The following BBS9 variants were observed in gnomAD, a reference collection of about 807,000 sequenced individuals.
The protein encoded by BBS9 is Bardet-Biedl syndrome 9.
BBS9 carries 89 observed loss-of-function variants against 117.7 expected under a neutral mutation model. The observed-to-expected ratio is 0.76, with a 90% CI of 0.64 to 0.90. The LOEUF is 0.90. Among genes scored for constraint, BBS9 ranks in the 40% least tolerant of loss-of-function variants. The pLI is 0.00. For missense variants in BBS9, 982 were observed against 1,042.2 expected, an observed-to-expected ratio of 0.94 and a Z score of 0.80; for synonymous variants, 379 against 370.9, an observed-to-expected ratio of 1.02 and a Z score of -0.25.
chr7:33,343,327 TAA>T (rs1305969687), intron 11 of BBS9, among the ~76,000 whole-genome samples: 3 of 152,156 alleles, frequency 2.0e-5, no homozygotes, highest in Non-Finnish European at 4.4e-5. Context: ...CTCTAAAAAA[TAA>T]GTTATAAGTG....
At chr7:33,335,009 T>C (rs1299293818) in intron 9 of BBS9, among the ~76,000 whole-genome samples, 14 of 152,192 alleles carry the variant, frequency 9.2e-5, no homozygotes, top group Non-Finnish European at 1.8e-4. Flanking sequence ...GACCATCTTA[T>C]GGGCAGAACT....
At chr7:33,248,120 C>A (rs1377126046) in intron 5 of BBS9, among the ~76,000 whole-genome samples, 5 of 152,090 alleles carry the variant, frequency 3.3e-5, no homozygotes, top group Non-Finnish European at 7.4e-5. Context: ...ATTTTATTTT[C>A]TTGTATCTTA....
chr7:33,232,785 T>C (rs1486489085), intron 5 of BBS9, among the ~76,000 whole-genome samples: 1 of 152,184 alleles, frequency 6.6e-6, no homozygotes, highest in Admixed American at 6.5e-5. Context: ...TATGTGTGTG[T>C]ATATATCTAT....
In BBS9 at chr7:33,169,108, A is replaced by G. The variant is rs552588117; in HGVS notation, c.329-8370A>G. ...AGTTTACTGAGAATGATGCTTTCCAATTTCATCCATGTCCCTACAAAGGAC... is the reference window on the plus strand; with the variant it reads ...AGTTTACTGAGAATGATGCTTTCCAGTTTCATCCATGTCCCTACAAAGGAC... On this transcript the variant is annotated intron_variant, in intron 4 of 22. Coordinates refer to ENST00000242067, the MANE Select transcript of BBS9 (RefSeq NM_198428.3). 2.9e-3 allele frequency among the ~76,000 whole-genome samples: 437 copies of G among 151,670 alleles called. 3 individuals carry two copies. Among genetic ancestry groups the G allele is most frequent in the African/African-American group, 9.9e-3 (410 of 41,284 alleles).
rs539984248 is a variant in BBS9, at chr7:33,281,761, A to G, written c.1016+7805A>G. Among the ~76,000 whole-genome samples, 71 of 152,000 alleles carry G rather than the reference A, an allele frequency of 4.7e-4. 1 individual carries two copies. The highest frequency in any genetic ancestry group is 1.5e-3 in the South Asian group (7 of 4,822). On this transcript the variant is annotated intron_variant, in intron 9 of 22. Transcript: ENST00000242067. ...TATTCCATGGTAAAAATGTATTGTT[A>G]TATTTCACCTTCAGACTTTATTGAT...
At chr7:33,596,319 T>G (rs1862781985) in intron 21 of BBS9, among the ~76,000 whole-genome samples, 1 of 150,500 alleles carries the variant, frequency 6.6e-6, no homozygotes, top group African/African-American at 2.4e-5. Context: ...TGTGTGTGAC[T>G]ATTGATACAT....
chr7:33,222,845 C>T (rs145337002), intron 5 of BBS9, among the ~76,000 whole-genome samples: 2,081 of 151,218 alleles, frequency 0.014, 41 homozygotes, highest in African/African-American at 0.048. Flanking sequence ...CCCAGCTACT[C>T]GGGAGGCTGA....
intron 21 of BBS9, among the ~76,000 whole-genome samples, chr7:33,575,581 C>A (rs940991963): frequency 1.3e-5 from 2 of 152,008 alleles, no homozygotes; most frequent in African/African-American, 4.8e-5. Context: ...ATCCTGATAC[C>A]AAAGCCTGGC....
At chr7:33,519,285 T>C (rs978877330) in intron 20 of BBS9, among the ~76,000 whole-genome samples, 4 of 152,130 alleles carry the variant, frequency 2.6e-5, no homozygotes, top group Non-Finnish European at 5.9e-5. Context: ...GCAATAAAGT[T>C]TTCCCCAGAC....
chr7:33,433,999 G>A (rs572690558), intron 19 of BBS9, among the ~76,000 whole-genome samples: 34 of 151,818 alleles, frequency 2.2e-4, no homozygotes, highest in Admixed American at 1.3e-3. Flanking sequence ...ATATTTTGCC[G>A]TATAACATTT....
chr7:33,307,039 TC>T (rs1402246808), intron 9 of BBS9, among the ~76,000 whole-genome samples: 2 of 152,146 alleles, frequency 1.3e-5, no homozygotes, highest in Non-Finnish European at 2.9e-5. Flanking sequence ...GTCTTAAACC[TC>T]AAAATTTTAA....
intron 21 of BBS9, among the ~76,000 whole-genome samples, chr7:33,597,708 G>A (rs1863083149): frequency 6.6e-6 from 1 of 151,950 alleles, no homozygotes; most frequent in African/African-American, 2.4e-5. Flanking sequence ...AGAAAGCCCT[G>A]GTGCGATAGG....
At chr7:33,227,666 T>A (rs528129535) in intron 5 of BBS9, among the ~76,000 whole-genome samples, 1 of 152,058 alleles carries the variant, frequency 6.6e-6, no homozygotes, top group Non-Finnish European at 1.5e-5. Flanking sequence ...TGCTTTTGCA[T>A]CCTCATAACT....
Position 33,189,648 on chromosome 7 carries a change from G to A in BBS9, c.442+12057G>A, listed in dbSNP as rs376441633. Among the ~76,000 whole-genome samples, 153 of 151,992 alleles carry A rather than the reference G, an allele frequency of 1.0e-3. 2 individuals carry two copies. The Middle Eastern group carries it at 0.041, about 41-fold the overall frequency. On this transcript the variant is annotated intron_variant, in intron 5 of 22. Transcript: ENST00000242067. ...CACGCCTGTAATCCCAGCACTTTGG[G>A]AGGCTGAGGGGGGCGGATCACGAGG...
chr7:33,604,707 A>G (rs1864314225), intron 21 of BBS9, among the ~76,000 whole-genome samples, 158 bp from the exon 22 acceptor site: 1 of 152,188 alleles, frequency 6.6e-6, no homozygotes, highest in Non-Finnish European at 1.5e-5. Context: ...CTCACCAAAA[A>G]GAAACATTTA....
intron 21 of BBS9, among the ~76,000 whole-genome samples, chr7:33,575,458 C>T (rs564607234): frequency 6.0e-4 from 91 of 152,238 alleles, no homozygotes; most frequent in Non-Finnish European, 7.6e-4. Flanking sequence ...GATGGATTCA[C>T]GGCCAATTTC....
chr7:33,265,628 C>T (rs1025109329), intron 7 of BBS9, among the ~76,000 whole-genome samples: 6 of 151,890 alleles, frequency 4.0e-5, no homozygotes, highest in African/African-American at 9.7e-5. Context: ...GTGGATCACC[C>T]GAGTTCAGGA....
chr7:33,206,288 A>G (rs11975271), intron 5 of BBS9, among the ~76,000 whole-genome samples: 344 of 152,350 alleles, frequency 2.3e-3, no homozygotes, highest in African/African-American at 8.1e-3. Flanking sequence ...AACTGTCTTT[A>G]TAGTTAGTAA....
chr7:33,266,944 C>T (rs1399220940), intron 7 of BBS9, among the ~76,000 whole-genome samples: 1 of 152,012 alleles, frequency 6.6e-6, no homozygotes, highest in Non-Finnish European at 1.5e-5. Context: ...GGGGTTTTGC[C>T]GTGTTGACCA....
Sources: gnomAD v4.1 joint callset for allele counts (sites outside exome capture counted in the v4.1 genomes callset) on GRCh38, gnomAD v4.1.1 for gene constraint, MANE v1.5 for transcripts, NCBI Gene and HGNC (gene_info 2026-07-23, HGNC 2026-07-21) for gene names.